The following SLC9C2 variants were observed in gnomAD, a reference collection of about 807,000 sequenced individuals.
SLC9C2 encodes sodium/hydrogen exchanger 11.
Under a neutral mutation model 140.2 loss-of-function variants are expected in SLC9C2, and 75 were observed. That is an observed-to-expected ratio of 0.53 (90% confidence interval 0.44 to 0.65). The LOEUF is 0.65. SLC9C2 is among the 30% of genes least tolerant of loss of function. The pLI, the probability that SLC9C2 is intolerant of heterozygous loss-of-function variation, is 0.00. For synonymous variants in SLC9C2, 375 were observed against 420.9 expected, an observed-to-expected ratio of 0.89 and a Z score of 1.34; for missense variants, 1,074 against 1,331.8, an observed-to-expected ratio of 0.81 and a Z score of 3.01.
Position 173,517,451 on chromosome 1 carries a change from G to A in SLC9C2, c.2907+86C>T, listed in dbSNP as rs116576529. Reference sequence around the variant, plus strand: ...CAATAGCTGGTTGGGTGACTAAGATGTCAAAACCCCAAAAAAGAAAAGATG... The same window carrying A: ...CAATAGCTGGTTGGGTGACTAAGATATCAAAACCCCAAAAAAGAAAAGATG... On this transcript the variant is annotated intron_variant, in intron 23 of 27. Coordinates refer to ENST00000367714, the MANE Select transcript of SLC9C2 (RefSeq NM_178527.4). 1,390 of 1,357,970 alleles carry A rather than the reference G, an allele frequency of 1.0e-3. 14 individuals are homozygous for A. In the African/African-American group the frequency reaches 0.016, roughly 16 times the overall value. 84.1% of individuals were successfully genotyped at this position (1,357,970 alleles called of 1,614,324 possible).
intron 23 of SLC9C2, among the ~76,000 whole-genome samples, chr1:173,510,169 C>T (rs746199910): frequency 2.0e-5 from 3 of 152,074 alleles, no homozygotes; most frequent in Non-Finnish European, 4.4e-5. Context: ...TAAACTCATG[C>T]CTTCTCTCCT....
At chr1:173,580,764 A>G (rs1276254080) in intron 7 of SLC9C2, among the ~76,000 whole-genome samples, 1 of 152,076 alleles carries the variant, frequency 6.6e-6, no homozygotes, top group Non-Finnish European at 1.5e-5. Context: ...AAGTCTGCCT[A>G]ACTCCAAAGC....
intron 6 of SLC9C2, among the ~76,000 whole-genome samples, 184 bp downstream of exon 6, chr1:173,583,322 T>A (rs1665662681): frequency 6.6e-6 from 1 of 152,250 alleles, no homozygotes; most frequent in Non-Finnish European, 1.5e-5. Context: ...ATATTTTTGA[T>A]CTGCAGTTGG....
At position 173,576,652 on chromosome 1, in the gene SLC9C2, G is replaced by C; in HGVS notation, c.902+9C>G. On this transcript the variant is annotated intron_variant, in intron 8 of 27. Transcript: ENST00000367714. The stretch of plus-strand genomic sequence containing the variant: ...TGAGATCCATCGAAGGGCACGATAG[G>C]AAACTTACTTAGTAATTACAAGTTC... The C allele has an allele frequency of 1.9e-6, 3 of 1,582,542 alleles. No homozygotes were observed. The highest frequency in any genetic ancestry group is 2.6e-6 in the Non-Finnish European group (3 of 1,155,582).
chr1:173,522,306 A>C (rs1660885491), intron 21 of SLC9C2, among the ~76,000 whole-genome samples: 1 of 152,284 alleles, frequency 6.6e-6, no homozygotes. Context: ...AGCTAAGCTG[A>C]GACTTGAAAG....
chr1:173,600,057 G>T, intron 3 of SLC9C2, 60 bp downstream of exon 3: 2 of 1,092,260 alleles, frequency 1.8e-6, no homozygotes, highest in Non-Finnish European at 1.3e-6. Flanking sequence ...GATGAGATGG[G>T]AGTGGACTTT....
In SLC9C2 at chr1:173,557,444, A is replaced by T; in HGVS notation, c.1111T>A (p.Trp371Arg). 6.2e-7 allele frequency: 1 copy of T among 1,613,898 alleles called. No homozygotes were observed. The highest frequency in any genetic ancestry group is 1.3e-5 in the African/African-American group (1 of 75,028). Residue 371 changes from tryptophan to arginine, a missense_variant, in exon 10 of 28, where the codon TGG (tryptophan) becomes AGG (arginine). Coordinates refer to ENST00000367714, the MANE Select transcript of SLC9C2 (RefSeq NM_178527.4). ...MHSNYEYNWR[W>R]GVVITWSGIK... ...CCAGACCACGTGATTACAACTCCCCATCGCCAATTATATTCATAATTTGAA... is the reference window on the plus strand; with the variant it reads ...CCAGACCACGTGATTACAACTCCCCTTCGCCAATTATATTCATAATTTGAA...
rs756959717 is a variant in SLC9C2, at chr1:173,587,837, A to C, written c.358-7T>G. ...TTAATCCAGTTAACAAGACCTGTGA[A>C]CCAATTCATAACACAGTATTAGACT... On this transcript the variant is annotated splice_region_variant and splice_polypyrimidine_tract_variant and intron_variant, in intron 4 of 27. Coordinates refer to ENST00000367714, the MANE Select transcript of SLC9C2 (RefSeq NM_178527.4). 62 of 1,607,164 alleles carry C rather than the reference A, an allele frequency of 3.9e-5. No homozygotes were observed. Among genetic ancestry groups the C allele is most frequent in the Non-Finnish European group, 5.1e-5 (60 of 1,176,074 alleles).
chr1:173,583,694 CA>C, intron 5 of SLC9C2, 72 bp from the exon 6 acceptor site: 1 of 795,494 alleles, frequency 1.3e-6, no homozygotes, highest in Non-Finnish European at 2.0e-6. Flanking sequence ...GAAGCAGAAA[CA>C]GAAGAGAAAG....
At position 173,601,859 on chromosome 1, in the gene SLC9C2, TA is replaced by T; in HGVS notation, c.-79-5del. On this transcript the variant is annotated splice_region_variant and splice_polypyrimidine_tract_variant and intron_variant, in intron 1 of 27. Transcript: ENST00000367714. ...ACTTTCACTTCTGCATGCTAACCTG[TA>T]TAGCATGCAAAAAGAACATGAGACC... The T allele has an allele frequency of 3.3e-6, 5 of 1,503,362 alleles. No homozygotes were observed. The highest frequency in any genetic ancestry group is 4.5e-6 in the Non-Finnish European group (5 of 1,109,140). The allele number at this position is 1,503,362 out of a possible 1,614,324, so 93.1% of individuals were successfully genotyped here.
Position 173,543,985 on chromosome 1 carries a change from T to A in SLC9C2, c.1557+3704A>T, listed in dbSNP as rs190640396. 3.3e-4 allele frequency among the ~76,000 whole-genome samples: 50 copies of A among 152,000 alleles called. No individual in the cohort carries two copies. In the Middle Eastern group the frequency reaches 0.01, roughly 31 times the overall value. On this transcript the variant is annotated intron_variant, in intron 13 of 27. Coordinates refer to ENST00000367714, the MANE Select transcript of SLC9C2 (RefSeq NM_178527.4). ...ACCAAAACACCAAAAGCAATGGCAATAAAAGCCAAAATTGACAAATGGGAT... is the reference window on the plus strand; with the variant it reads ...ACCAAAACACCAAAAGCAATGGCAAAAAAAGCCAAAATTGACAAATGGGAT...
chr1:173,572,204 A>G (rs1484271197), intron 9 of SLC9C2, among the ~76,000 whole-genome samples: 1 of 152,232 alleles, frequency 6.6e-6, no homozygotes, highest in African/African-American at 2.4e-5. Flanking sequence ...GCAATGACTA[A>G]CTTAAAAACT....
Position 173,579,334 on chromosome 1 carries a change from C to T in SLC9C2, c.802+2513G>A, listed in dbSNP as rs148740643. ...AGTAACTTTGTGAGCAGGTTGCTAACGAAAGCCATCCTTGAAATCAGCCAC... is the reference window on the plus strand; with the variant it reads ...AGTAACTTTGTGAGCAGGTTGCTAATGAAAGCCATCCTTGAAATCAGCCAC... On this transcript the variant is annotated intron_variant, in intron 7 of 27. Coordinates refer to ENST00000367714, the MANE Select transcript of SLC9C2 (RefSeq NM_178527.4). Among the ~76,000 whole-genome samples the T allele has an allele frequency of 3.9e-5, 6 of 152,286 alleles. No individual in the cohort carries two copies. In the East Asian group the frequency reaches 7.7e-4, roughly 20 times the overall value.
intron 13 of SLC9C2, among the ~76,000 whole-genome samples, chr1:173,538,734 A>G (rs963922652): frequency 6.6e-6 from 1 of 152,184 alleles, no homozygotes; most frequent in African/African-American, 2.4e-5. Context: ...AGAGGTAGGC[A>G]GAGGGTGGCA....
chr1:173,555,081 C>G (rs1017515958), intron 10 of SLC9C2, among the ~76,000 whole-genome samples: 3 of 152,204 alleles, frequency 2.0e-5, no homozygotes, highest in African/African-American at 7.2e-5. Context: ...GAGGAGGTCT[C>G]CACAGTTGCC....
At chr1:173,590,694 T>C (rs1571628921) in intron 4 of SLC9C2, among the ~76,000 whole-genome samples, 1 of 152,136 alleles carries the variant, frequency 6.6e-6, no homozygotes, top group Admixed American at 6.5e-5. Flanking sequence ...TGATACTGTA[T>C]GTTCTATCTG....
intron 9 of SLC9C2, among the ~76,000 whole-genome samples, chr1:173,562,617 T>C (rs2102130885): frequency 6.6e-6 from 1 of 152,288 alleles, no homozygotes; most frequent in Middle Eastern, 3.4e-3. Context: ...ACAATGAAAA[T>C]ACATTGAATA....
At chr1:173,535,737 T>TC in intron 15 of SLC9C2, 93 bp downstream of exon 15, 1 of 1,352,664 alleles carries the variant, frequency 7.4e-7, no homozygotes. Context: ...ATATAGTTTT[T>TC]CTCAAATAAG....
chr1:173,594,004 A>G (rs1254406565), intron 4 of SLC9C2, among the ~76,000 whole-genome samples: 1 of 152,220 alleles, frequency 6.6e-6, no homozygotes, highest in African/African-American at 2.4e-5. Flanking sequence ...CAGAACACCA[A>G]AGAAAAAGAG....
Sources: gnomAD v4.1 joint callset for allele counts (sites outside exome capture counted in the v4.1 genomes callset) on GRCh38, gnomAD v4.1.1 for gene constraint, MANE v1.5 for transcripts, NCBI Gene and HGNC (gene_info 2026-07-23, HGNC 2026-07-21) for gene names.